The following CNTNAP2 variants were observed in gnomAD, a reference collection of about 807,000 sequenced individuals.
The protein encoded by CNTNAP2 is contactin-associated protein-like 2.
CNTNAP2 carries 98 observed loss-of-function variants against 155.2 expected under a neutral mutation model. That is an observed-to-expected ratio of 0.63 (90% CI 0.54 to 0.75). The LOEUF (loss-of-function observed/expected upper bound fraction) is 0.75, where lower values mean the gene tolerates loss of function less well. Ranked by LOEUF, CNTNAP2 falls within the 30% of genes least tolerant of loss-of-function variation. The pLI, the probability that CNTNAP2 is intolerant of heterozygous loss-of-function variation, is 0.00. For missense variants in CNTNAP2, 1,727 were observed against 1,688.1 expected (o/e 1.02, Z -0.40); for synonymous variants, 651 against 631.2 (o/e 1.03, Z -0.47).
chr7:147,741,221 A>T (rs76546829), intron 13 of CNTNAP2, among the ~76,000 whole-genome samples: 4,706 of 152,282 alleles, frequency 0.031, 236 homozygotes, highest in African/African-American at 0.11. Flanking sequence ...GCATGACTAG[A>T]TGGACCTTGA....
chr7:147,444,542 T>A (rs2373128), intron 10 of CNTNAP2, among the ~76,000 whole-genome samples: 27,366 of 150,024 alleles, frequency 0.18, 3,017 homozygotes, highest in Non-Finnish European at 0.25. Flanking sequence ...TTTTTTTTTT[T>A]ACTAGCATCA....
At chr7:146,717,612 G>T (rs1801213878) in intron 1 of CNTNAP2, among the ~76,000 whole-genome samples, 1 of 151,764 alleles carries the variant, frequency 6.6e-6, no homozygotes, top group Non-Finnish European at 1.5e-5. Flanking sequence ...ACTGCCATTG[G>T]TCATCCATGT....
At chr7:147,792,497 A>AGTGT (rs3054133) in intron 13 of CNTNAP2, among the ~76,000 whole-genome samples, 87 of 150,734 alleles carry the variant, frequency 5.8e-4, no homozygotes, top group African/African-American at 1.5e-3. Context: ...TCCACGTTGT[A>AGTGT]GTGTGTGTGT....
chr7:148,005,225 T>A (rs1801953927), intron 15 of CNTNAP2, among the ~76,000 whole-genome samples: 1 of 152,136 alleles, frequency 6.6e-6, no homozygotes, highest in South Asian at 2.1e-4. Flanking sequence ...TCTCCTTATA[T>A]CCTCCCAAGT....
chr7:148,234,241 A>G (rs1344937223), intron 20 of CNTNAP2, among the ~76,000 whole-genome samples: 11 of 152,224 alleles, frequency 7.2e-5, no homozygotes, highest in Non-Finnish European at 1.6e-4. Context: ...CAGGTCCGTC[A>G]TACTTCAAAG....
Position 147,108,219 on chromosome 7 carries a change from T to C in CNTNAP2, c.623T>C (p.Leu208Pro), listed in dbSNP as rs755776087. 7 of 1,613,736 alleles carry C rather than the reference T, an allele frequency of 4.3e-6. No individual in the cohort carries two copies. Among genetic ancestry groups the C allele is most frequent in the Non-Finnish European group, 4.2e-6 (5 of 1,179,802 alleles). Reference sequence around the variant, plus strand: ...TTCAGAAACAAGAAGATGAAAACACTGAAAGATGTCATTGCCTTGAACTTT... The same window carrying C: ...TTCAGAAACAAGAAGATGAAAACACCGAAAGATGTCATTGCCTTGAACTTT... Reference protein sequence around the residue: ...YRFRNKKMKTLKDVIALNFKT... With the variant: ...YRFRNKKMKTPKDVIALNFKT... The change falls in exon 5 of 24, where the codon CTG becomes CCG. Residue 208 changes from leucine (L) to proline (P), a missense_variant. Coordinates refer to ENST00000361727, the MANE Select transcript of CNTNAP2 (RefSeq NM_014141.6).
intron 1 of CNTNAP2, among the ~76,000 whole-genome samples, chr7:146,687,438 G>A (rs577407946): frequency 2.0e-5 from 3 of 152,072 alleles, no homozygotes; most frequent in Non-Finnish European, 2.9e-5. Flanking sequence ...AGCACGTAAC[G>A]GATATTAGCT....
At chr7:147,470,164 A>T (rs557779916) in intron 10 of CNTNAP2, among the ~76,000 whole-genome samples, 11 of 152,320 alleles carry the variant, frequency 7.2e-5, no homozygotes, top group African/African-American at 2.6e-4. Context: ...CCTGGTTGCT[A>T]TGAGAGTAGA....
chr7:147,719,836 C>T (rs1796537876), intron 13 of CNTNAP2, among the ~76,000 whole-genome samples: 1 of 151,962 alleles, frequency 6.6e-6, no homozygotes, highest in Admixed American at 6.6e-5. Context: ...TTGAAGCATC[C>T]ACCTCTTTAT....
chr7:147,307,644 A>G (rs191190785), intron 9 of CNTNAP2, among the ~76,000 whole-genome samples: 2 of 152,278 alleles, frequency 1.3e-5, no homozygotes, highest in Admixed American at 6.5e-5. Context: ...CCTTCAAAAT[A>G]TAAGTCCTTA....
At chr7:146,356,505 A>G (rs1192277436) in intron 1 of CNTNAP2, among the ~76,000 whole-genome samples, 2 of 152,160 alleles carry the variant, frequency 1.3e-5, no homozygotes, top group Non-Finnish European at 2.9e-5. Flanking sequence ...CCTCTCTCAA[A>G]CATTGACATG....
chr7:146,306,426 T>C (rs1800713732), intron 1 of CNTNAP2, among the ~76,000 whole-genome samples: 1 of 152,098 alleles, frequency 6.6e-6, no homozygotes, highest in Admixed American at 6.5e-5. Context: ...TAACAAAGCC[T>C]GGCAGAAACA....
At chr7:147,303,123 G>A (rs927686714) in intron 9 of CNTNAP2, among the ~76,000 whole-genome samples, 8 of 152,276 alleles carry the variant, frequency 5.3e-5, no homozygotes, top group Middle Eastern at 3.4e-3. Flanking sequence ...TACAGGCCTC[G>A]CCAGAATCTT....
At chr7:147,488,270 C>T (rs900048620) in intron 11 of CNTNAP2, among the ~76,000 whole-genome samples, 4 of 152,290 alleles carry the variant, frequency 2.6e-5, no homozygotes, top group African/African-American at 4.8e-5. Flanking sequence ...GCAAGAAGAA[C>T]GAAGTGCGAA....
intron 13 of CNTNAP2, among the ~76,000 whole-genome samples, chr7:147,684,604 A>G (rs1795992576): frequency 6.6e-6 from 1 of 151,874 alleles, no homozygotes; most frequent in African/African-American, 2.4e-5. Context: ...ATAATCGTTG[A>G]TGGCCCTGAG....
chr7:147,278,178 C>G (rs1175509332), intron 8 of CNTNAP2, among the ~76,000 whole-genome samples: 1 of 150,018 alleles, frequency 6.7e-6, no homozygotes, highest in Non-Finnish European at 1.5e-5. Context: ...TAATTCTTGA[C>G]AATCTCTTCA....
At chr7:147,474,300 T>C (rs1392968977) in intron 10 of CNTNAP2, among the ~76,000 whole-genome samples, 1 of 151,584 alleles carries the variant, frequency 6.6e-6, no homozygotes, top group Non-Finnish European at 1.5e-5. Flanking sequence ...TTTTAAAAAG[T>C]GTGACATTCT....
At position 148,267,068 on chromosome 7, in the gene CNTNAP2, A is replaced by G. The variant is rs368474520; in HGVS notation, c.3417A>G (p.Pro1139=). 5.9e-5 allele frequency: 96 copies of G among 1,614,060 alleles called. No homozygotes were observed. The highest frequency in any genetic ancestry group is 1.8e-4 in the Admixed American group (11 of 60,002). The change falls in exon 21 of 24, where the codon CCA becomes CCG. Residue 1139 remains proline, a synonymous_variant. Coordinates refer to ENST00000361727, the MANE Select transcript of CNTNAP2 (RefSeq NM_014141.6). The stretch of plus-strand genomic sequence containing the variant: ...ATCCTTCTGTGAGTTACCATCTGCC[A>G]AGTTCATCCGACACCCTCTTCAATT... ...DHYPSVSYHL[P]SSSDTLFNSP... is the part of the protein sequence containing the mutation.
chr7:148,011,304 C>T (rs1265374424), intron 15 of CNTNAP2, among the ~76,000 whole-genome samples: 1 of 151,938 alleles, frequency 6.6e-6, no homozygotes, highest in Non-Finnish European at 1.5e-5. Flanking sequence ...ATTTGTGTAT[C>T]CTGTTTTCAG....
Sources: allele counts gnomAD v4.1 joint callset (sites outside exome capture counted in the v4.1 genomes callset), GRCh38; gene constraint gnomAD v4.1.1; transcripts MANE v1.5; gene names NCBI Gene and HGNC (gene_info 2026-07-23, HGNC 2026-07-21).